The following EVI5 variants were observed in gnomAD, a reference collection of about 807,000 sequenced individuals.
The protein encoded by EVI5 is ecotropic viral integration site 5.
EVI5 carries 73 observed loss-of-function variants against 112.0 expected under a neutral mutation model. The ratio of observed to expected loss-of-function variants is 0.65; its 90% CI spans 0.54 to 0.79. The LOEUF (loss-of-function observed/expected upper bound fraction) is 0.79, where lower values mean the gene tolerates loss of function less well. Ranked by LOEUF, EVI5 falls within the 30% of genes least tolerant of loss-of-function variation. The pLI, the probability that EVI5 is intolerant of heterozygous loss-of-function variation, is 0.00. For synonymous variants in EVI5, 305 were observed against 319.9 expected, an observed-to-expected ratio of 0.95 and a Z score of 0.50; for missense variants, 900 against 968.8, an observed-to-expected ratio of 0.93 and a Z score of 0.94.
rs768372318 is a variant in EVI5, at chr1:92,703,484, G to T, written c.475C>A (p.Arg159=). Reference sequence around the variant, plus strand: ...GGGTAAGTTCTAGCAATGTCCCTTCGGATCAATTTTTCACAAGGCGAGGTC... The same window carrying T: ...GGGTAAGTTCTAGCAATGTCCCTTCTGATCAATTTTTCACAAGGCGAGGTC... ...KMTSPCEKLI[R]RDIARTYPEH... Residue 159 remains arginine, a synonymous_variant, in exon 4 of 20, where the codon CGA becomes AGA. Transcript: ENST00000684568. The T allele has an allele frequency of 1.9e-6, 3 of 1,600,620 alleles. No individual in the cohort carries two copies. The highest frequency in any genetic ancestry group is 2.7e-5 in the African/African-American group (2 of 73,674).
intron 9 of EVI5, among the ~76,000 whole-genome samples, chr1:92,682,687 G>A (rs1446263935): frequency 1.3e-5 from 2 of 152,038 alleles, no homozygotes; most frequent in Admixed American, 6.6e-5. Flanking sequence ...CTTGGAGGAG[G>A]TTGCAATGAG....
At chr1:92,583,510 CAAAAAAAAAAAA>C (rs71091290) in intron 18 of EVI5, among the ~76,000 whole-genome samples, 1 of 55,386 alleles carries the variant, frequency 1.8e-5, no homozygotes, top group African/African-American at 7.9e-5. Context: ...GGCTCTGTCT[CAAAAAAAAAAAA>C]AAAAAAAAAA....
At chr1:92,577,462 T>A (rs1339695578) in intron 18 of EVI5, among the ~76,000 whole-genome samples, 1 of 152,184 alleles carries the variant, frequency 6.6e-6, no homozygotes, top group Non-Finnish European at 1.5e-5. Flanking sequence ...GTAGCATCAG[T>A]AGGGCGGGCC....
At position 92,661,018 on chromosome 1, in the gene EVI5, A is replaced by AACAC. The variant is rs142667143; in HGVS notation, c.1392+1697_1392+1700dup. On this transcript the variant is annotated intron_variant, in intron 13 of 19. Transcript: ENST00000684568. ...AGCCCTATTTAATCATTTGGGAAAAAACACACACACACACACAAAACTGTC... is the reference window on the plus strand; with the variant it reads ...AGCCCTATTTAATCATTTGGGAAAAAACACACACACACACACACACAAAACTGTC... Among the ~76,000 whole-genome samples the AACAC allele has an allele frequency of 2.6e-3, 395 of 151,284 alleles. 3 individuals are homozygous for AACAC. Among genetic ancestry groups the AACAC allele is most frequent in the East Asian group, 0.015 (76 of 5,170 alleles).
At chr1:92,546,122 C>T (rs755765746) in intron 19 of EVI5, among the ~76,000 whole-genome samples, 2 of 152,064 alleles carry the variant, frequency 1.3e-5, no homozygotes, top group African/African-American at 2.4e-5. Context: ...ATGGAAGGGG[C>T]TTTAAGTACC....
chr1:92,624,071 T>G lies in EVI5; in HGVS notation c.1827+105A>C, dbSNP rs1409548365. The G allele has an allele frequency of 2.5e-5, 26 of 1,031,598 alleles. 1 individual carries two copies. Among genetic ancestry groups the G allele is most frequent in the Middle Eastern group, 3.2e-4 (1 of 3,120 alleles). The allele number at this position is 1,031,598 out of a possible 1,614,324, so 63.9% of individuals were successfully genotyped here. On this transcript the variant is annotated intron_variant, in intron 16 of 19. Transcript: ENST00000684568. ...CTAGAAAACTGCGGTCTATACAGCT[T>G]CATATCTTTACCTTTTATCTCTGTT...
intron 15 of EVI5, among the ~76,000 whole-genome samples, chr1:92,624,540 A>T (rs1207697718): frequency 6.6e-6 from 1 of 151,902 alleles, no homozygotes; most frequent in East Asian, 1.9e-4. Context: ...TCTTAAGTAT[A>T]TTTAAGATAG....
At chr1:92,591,454 T>A (rs950168905) in intron 18 of EVI5, among the ~76,000 whole-genome samples, 1 of 151,540 alleles carries the variant, frequency 6.6e-6, no homozygotes, top group Admixed American at 6.6e-5. Flanking sequence ...AAGGCAGGGG[T>A]TGCAATCCTA....
At chr1:92,650,784 T>A (rs1308149858) in intron 13 of EVI5, among the ~76,000 whole-genome samples, 1 of 152,148 alleles carries the variant, frequency 6.6e-6, no homozygotes, top group African/African-American at 2.4e-5. Context: ...TCTAAAAAAA[T>A]TTTAGGTGGT....
chr1:92,632,644 TTTG>T (rs955154592), intron 14 of EVI5, among the ~76,000 whole-genome samples: 42 of 152,350 alleles, frequency 2.8e-4, no homozygotes, highest in African/African-American at 9.6e-4. Flanking sequence ...TCATTGATTT[TTTG>T]AAGGGCTTTT....
At chr1:92,526,551 G>A (rs1406093165) in intron 19 of EVI5, among the ~76,000 whole-genome samples, 3 of 152,178 alleles carry the variant, frequency 2.0e-5, no homozygotes, top group Non-Finnish European at 4.4e-5. Flanking sequence ...TAGGGGGAGT[G>A]ACATGGAGGA....
chr1:92,677,194 T>TA lies in EVI5; in HGVS notation c.1121dup (p.Thr376AsnfsTer9). The TA allele has an allele frequency of 6.3e-7, 1 of 1,588,350 alleles. No homozygotes were observed. On this transcript the variant is annotated frameshift_variant, in exon 10 of 20. Transcript: ENST00000684568. LOFTEE classifies it high-confidence loss of function. ...CTTGCTCTTCCATTTCTTTCGTTTT[T>TA]ATTGTAGTGTATTCCTTTTCAAGCC... is the stretch of plus-strand genomic sequence containing the variant.
At chr1:92,745,899 A>G (rs1679184708) in intron 1 of EVI5, among the ~76,000 whole-genome samples, 1 of 152,244 alleles carries the variant, frequency 6.6e-6, no homozygotes, top group African/African-American at 2.4e-5. Flanking sequence ...TGACCTGAAA[A>G]CAAAATTGGT....
chr1:92,622,323 G>C, intron 16 of EVI5: 1 of 449,300 alleles, frequency 2.2e-6, no homozygotes, highest in Non-Finnish European at 4.5e-6. Flanking sequence ...TTTTAAGAAG[G>C]GGTCCACAGG....
chr1:92,689,667 C>A (rs963594380), intron 9 of EVI5, among the ~76,000 whole-genome samples: 14 of 152,178 alleles, frequency 9.2e-5, no homozygotes, highest in African/African-American at 3.1e-4. Flanking sequence ...CTGCACGTGG[C>A]CACAATAAGA....
intron 19 of EVI5, among the ~76,000 whole-genome samples, chr1:92,536,239 G>T (rs1004353168): frequency 2.6e-5 from 4 of 152,110 alleles, no homozygotes; most frequent in African/African-American, 7.2e-5. Flanking sequence ...TCGGATTTTA[G>T]AATTTCTCTG....
At chr1:92,684,558 A>C (rs1211063945) in intron 9 of EVI5, among the ~76,000 whole-genome samples, 1 of 152,148 alleles carries the variant, frequency 6.6e-6, no homozygotes, top group South Asian at 2.1e-4. Context: ...AACAATATTA[A>C]CCTTAAATGT....
Position 92,548,115 on chromosome 1 carries a change from C to T in EVI5, c.2166+15527G>A, listed in dbSNP as rs1043401005. 2.0e-4 allele frequency among the ~76,000 whole-genome samples: 31 copies of T among 152,142 alleles called. 1 individual carries two copies. The highest frequency in any genetic ancestry group is 1.5e-5 in the Non-Finnish European group (1 of 68,028). ...AATCCTCAATAAAATACTGGCAAACCAAATCCAGCAGCACATCACAAACCT... is the reference window on the plus strand; with the variant it reads ...AATCCTCAATAAAATACTGGCAAACTAAATCCAGCAGCACATCACAAACCT... On this transcript the variant is annotated intron_variant, in intron 19 of 19. Transcript: ENST00000684568.
rs1411123253 is a variant in EVI5, at chr1:92,631,664, C to G, written c.1527+4538G>C. The stretch of plus-strand genomic sequence containing the variant: ...GACTTCCTCTTTTCCTAATGGAATA[C>G]CCTTTATTTCCTTCTCCTGCCTGAT... On this transcript the variant is annotated intron_variant, in intron 14 of 19. Coordinates refer to ENST00000684568, the MANE Select transcript of EVI5 (RefSeq NM_001350197.2). Among the ~76,000 whole-genome samples the G allele has an allele frequency of 2.0e-5, 3 of 152,126 alleles. No individual in the cohort carries two copies. The South Asian group carries it at 6.2e-4, about 31-fold the overall frequency.
Sources: gnomAD v4.1 joint callset for allele counts (sites outside exome capture counted in the v4.1 genomes callset) on GRCh38, gnomAD v4.1.1 for gene constraint, MANE v1.5 for transcripts, NCBI Gene and HGNC (gene_info 2026-07-23, HGNC 2026-07-21) for gene names.